The following SPATS1 variants were observed in gnomAD, a reference collection of about 807,000 sequenced individuals.
The protein encoded by SPATS1 is spermatogenesis-associated serine-rich protein 1.
SPATS1 carries 23 observed loss-of-function variants against 33.6 expected under a neutral mutation model. That is an observed-to-expected ratio of 0.68 (90% CI 0.49 to 0.97). The LOEUF (loss-of-function observed/expected upper bound fraction) is 0.97. SPATS1 is among the 50% of genes least tolerant of loss of function. SPATS1 has a pLI of 0.00. For missense variants in SPATS1, 327 were observed against 361.0 expected, an observed-to-expected ratio of 0.91 and a Z score of 0.76; for synonymous variants, 131 against 125.6, an observed-to-expected ratio of 1.04 and a Z score of -0.29.
At position 44,360,512 on chromosome 6, in the gene SPATS1, GC is replaced by G; in HGVS notation, c.356del (p.Pro119LeufsTer84). The G allele has an allele frequency of 6.2e-7, 1 of 1,614,084 alleles. No individual in the cohort carries two copies. Among genetic ancestry groups the G allele is most frequent in the African/African-American group, 1.3e-5 (1 of 75,014 alleles). On this transcript the variant is annotated frameshift_variant, in exon 4 of 9. Transcript: ENST00000674044. LOFTEE classifies it high-confidence loss of function. ...CTGATCACTCCTCTGAAATGTCGTT[GC>G]CTGAAGTCCAAAAGGATAAATATCC... ...HSDHSSEMSLPEVQKDKYPEE... is the reference protein window; with the variant it reads ...HSDHSSEMSLXEVQKDKYPEE...
chr6:44,342,851 C>T (rs2153363755), intron 1 of SPATS1, 83 bp downstream of exon 1: 1 of 1,243,478 alleles, frequency 8.0e-7, no homozygotes. Flanking sequence ...AGAAGGAGCA[C>T]CTTGAGCTGG....
intron 3 of SPATS1, among the ~76,000 whole-genome samples, chr6:44,356,965 A>G (rs1788625657): frequency 6.6e-6 from 1 of 152,118 alleles, no homozygotes; most frequent in South Asian, 2.1e-4. Context: ...CCTGACTTAA[A>G]TTTTATATTC....
At chr6:44,356,533 A>G (rs969041277) in intron 3 of SPATS1, among the ~76,000 whole-genome samples, 3 of 152,236 alleles carry the variant, frequency 2.0e-5, no homozygotes. Context: ...GGTGTTGGCC[A>G]CAGCTGTGGG....
chr6:44,354,206 C>A (rs986118640), intron 3 of SPATS1, among the ~76,000 whole-genome samples: 1 of 151,626 alleles, frequency 6.6e-6, no homozygotes, highest in Non-Finnish European at 1.5e-5. Context: ...TGGGGGTGTG[C>A]ACCTGTAATC....
At chr6:44,374,260 A>G (rs1789800409) in intron 7 of SPATS1, among the ~76,000 whole-genome samples, 2 of 152,236 alleles carry the variant, frequency 1.3e-5, no homozygotes, top group South Asian at 4.1e-4. Flanking sequence ...TATATTGTTT[A>G]GCCCCTATAT....
At chr6:44,354,037 C>CAAAAAA (rs34531075) in intron 3 of SPATS1, among the ~76,000 whole-genome samples, 3 of 99,110 alleles carry the variant, frequency 3.0e-5, no homozygotes, top group East Asian at 3.0e-4. Context: ...GACTTCGCCT[C>CAAAAAA]AAAAAAAAAA....
intron 2 of SPATS1, among the ~76,000 whole-genome samples, chr6:44,347,466 G>A (rs1223115180): frequency 6.6e-6 from 1 of 152,004 alleles, no homozygotes; most frequent in East Asian, 1.9e-4. Flanking sequence ...TGCTATGAAA[G>A]TTTTAAGTTT....
Position 44,379,087 on chromosome 6 carries a change from T to C in SPATS1, c.*2024T>C, listed in dbSNP as rs573123516. The C allele has an allele frequency of 2.0e-5, 3 of 152,286 alleles. No individual in the cohort carries two copies. The East Asian group carries it at 5.8e-4, about 29-fold the overall frequency. 9.4% of individuals were successfully genotyped at this position (152,286 alleles called of 1,614,324 possible). On this transcript the variant is annotated 3_prime_UTR_variant, in exon 9 of 9. Coordinates refer to ENST00000674044, the MANE Select transcript of SPATS1 (RefSeq NM_001372081.1). ...TCTATTACTTAAATGTAAAAAAGTC[T>C]TCTTTCCCCTAGTCAAAAACAATGC...
intron 6 of SPATS1, among the ~76,000 whole-genome samples, chr6:44,369,366 A>G (rs1174711103): frequency 6.6e-6 from 1 of 151,906 alleles, no homozygotes; most frequent in African/African-American, 2.4e-5. Flanking sequence ...CCTGGCCAAC[A>G]TGGTAAAATC....
At position 44,377,194 on chromosome 6, in the gene SPATS1, T is replaced by A; in HGVS notation, c.*131T>A. The stretch of plus-strand genomic sequence containing the variant: ...GAGGAAGTGTTGTGCTTTGCTTTTT[T>A]AAAACTTTATATTTTGAAAACTTTC... On this transcript the variant is annotated 3_prime_UTR_variant, in exon 9 of 9. Transcript: ENST00000674044. 6.2e-6 allele frequency: 7 copies of A among 1,137,492 alleles called. No homozygotes were observed. The highest frequency in any genetic ancestry group is 2.4e-5 in the East Asian group (1 of 41,412). 70.5% of individuals were successfully genotyped at this position (1,137,492 alleles called of 1,614,324 possible). A position where few individuals can be genotyped will look rare whatever the true frequency, so the allele number is the denominator to read the frequency against.
At chr6:44,360,403 A>T in intron 3 of SPATS1, 43 bp from the exon 4 acceptor site, 7 of 1,612,726 alleles carry the variant, frequency 4.3e-6, no homozygotes, top group Non-Finnish European at 5.1e-6. Flanking sequence ...GGCTGTAACT[A>T]CCAGTTTAAG....
At chr6:44,350,016 C>G (rs577198805) in intron 2 of SPATS1, among the ~76,000 whole-genome samples, 1 of 152,316 alleles carries the variant, frequency 6.6e-6, no homozygotes, top group East Asian at 1.9e-4. Flanking sequence ...TTGCCTGCCA[C>G]CTCCCCTGGG....
At chr6:44,367,657 G>T (rs1364860970) in intron 5 of SPATS1, among the ~76,000 whole-genome samples, 1 of 152,160 alleles carries the variant, frequency 6.6e-6, no homozygotes, top group Non-Finnish European at 1.5e-5. Context: ...CGTAGTCCAG[G>T]CTTATTCTCT....
intron 5 of SPATS1, among the ~76,000 whole-genome samples, chr6:44,365,536 A>G (rs932642480): frequency 2.0e-5 from 3 of 152,162 alleles, no homozygotes; most frequent in Admixed American, 6.5e-5. Flanking sequence ...TTTATCTGTG[A>G]CCTTTCCATC....
intron 3 of SPATS1, among the ~76,000 whole-genome samples, chr6:44,360,237 G>T (rs1339290599): frequency 6.6e-6 from 1 of 152,172 alleles, no homozygotes; most frequent in Non-Finnish European, 1.5e-5. Context: ...CAAGGTTTTG[G>T]GATTACAGGC....
rs184066566 is a variant in SPATS1 at position 44,375,998 on chromosome 6, C to T, written c.759-360C>T. The stretch of plus-strand genomic sequence containing the variant: ...GCATGTGCCTATAGTCCCAGCTACT[C>T]GGGAGGCTGAGGCAGGAGAATTGCT... On this transcript the variant is annotated intron_variant, in intron 7 of 8. Transcript: ENST00000674044. Among the ~76,000 whole-genome samples, 619 of 149,930 alleles carry T rather than the reference C, an allele frequency of 4.1e-3. 4 individuals are homozygous for T. The highest frequency in any genetic ancestry group is 0.014 in the African/African-American group (561 of 40,636).
rs1410943011 is a variant in SPATS1, at chr6:44,377,392, T to C, written c.*329T>C. The C allele has an allele frequency of 8.8e-6, 3 of 340,836 alleles. No individual in the cohort carries two copies. Among genetic ancestry groups the C allele is most frequent in the East Asian group, 6.2e-5 (1 of 16,040 alleles). 21.1% of individuals were successfully genotyped at this position (340,836 alleles called of 1,614,324 possible). A position where few individuals can be genotyped will look rare whatever the true frequency, so the allele number is the denominator to read the frequency against. Reference sequence around the variant, plus strand: ...GATATTGTAACCCTTTACACCTGTATACCTACATACCTCAGCATGTATCTT... The same window carrying C: ...GATATTGTAACCCTTTACACCTGTACACCTACATACCTCAGCATGTATCTT... On this transcript the variant is annotated 3_prime_UTR_variant, in exon 9 of 9. Coordinates refer to ENST00000674044, the MANE Select transcript of SPATS1 (RefSeq NM_001372081.1).
intron 7 of SPATS1, among the ~76,000 whole-genome samples, chr6:44,372,466 T>C (rs1354824659): frequency 6.6e-6 from 1 of 151,732 alleles, no homozygotes; most frequent in Non-Finnish European, 1.5e-5. Flanking sequence ...TATTTTTTAT[T>C]TTATTTATGT....
chr6:44,370,869 T>C (rs1789563909), intron 7 of SPATS1, among the ~76,000 whole-genome samples: 1 of 152,186 alleles, frequency 6.6e-6, no homozygotes, highest in African/African-American at 2.4e-5. Flanking sequence ...ATTGCCTACA[T>C]TTCATCACTC....
Sources: allele counts gnomAD v4.1 joint callset (sites outside exome capture counted in the v4.1 genomes callset), GRCh38; gene constraint gnomAD v4.1.1; transcripts MANE v1.5; gene names NCBI Gene and HGNC (gene_info 2026-07-23, HGNC 2026-07-21).